Variants in ATP8B1 observed in about 807,000 individuals in gnomAD.
ATP8B1 encodes ATPase phospholipid transporting 8B1.
A neutral mutation model predicts 149.9 loss-of-function variants in ATP8B1; 80 were observed. That is an observed-to-expected ratio of 0.53 (90% CI 0.45 to 0.64). The LOEUF is 0.64. ATP8B1 is among the 30% of genes least tolerant of loss of function. The probability of loss-of-function intolerance (pLI) is 0.00; values close to 1 mark genes in which losing one functional copy is unlikely to be tolerated. For missense variants in ATP8B1, 1,247 were observed against 1,552.6 expected (o/e 0.80, Z 3.31); for synonymous variants, 536 against 562.8 (o/e 0.95, Z 0.67).
At chr18:57,790,459 C>G (rs762642349) in intron 1 of ATP8B1, among the ~76,000 whole-genome samples, 1 of 152,188 alleles carries the variant, frequency 6.6e-6, no homozygotes, top group African/African-American at 2.4e-5. Flanking sequence ...CCTCCCTTAT[C>G]CCATGGTAGC....
chr18:57,785,107 C>T (rs1178059686), intron 1 of ATP8B1, among the ~76,000 whole-genome samples: 2 of 152,156 alleles, frequency 1.3e-5, no homozygotes, highest in African/African-American at 4.8e-5. Context: ...AAAACCAGAC[C>T]TAGTATTAAG....
chr18:57,756,204 TATATATACACAC>T (rs1185699946), intron 1 of ATP8B1, among the ~76,000 whole-genome samples: 2 of 84,402 alleles, frequency 2.4e-5, no homozygotes, highest in African/African-American at 5.0e-5. Context: ...TATATATATA[TATATATACACAC>T]ACACACACAC....
chr18:57,794,987 G>A (rs2080499006), intron 1 of ATP8B1, among the ~76,000 whole-genome samples: 1 of 152,036 alleles, frequency 6.6e-6, no homozygotes, highest in Non-Finnish European at 1.5e-5. Context: ...ATAATACGTG[G>A]CCCTGCCCAT....
intron 21 of ATP8B1, among the ~76,000 whole-genome samples, chr18:57,662,191 A>C (rs1444215598): frequency 6.6e-6 from 1 of 152,206 alleles, no homozygotes; most frequent in Non-Finnish European, 1.5e-5. Context: ...ATGCCACCAC[A>C]TCCAGCTTAT....
chr18:57,772,671 C>T (rs1463116201), intron 1 of ATP8B1, among the ~76,000 whole-genome samples: 1 of 152,154 alleles, frequency 6.6e-6, no homozygotes, highest in Non-Finnish European at 1.5e-5. Context: ...TGCTGGTGAG[C>T]AACGTGGCTC....
intron 2 of ATP8B1, among the ~76,000 whole-genome samples, chr18:57,727,984 G>A (rs529970757): frequency 6.6e-6 from 1 of 152,112 alleles, no homozygotes; most frequent in Non-Finnish European, 1.5e-5. Flanking sequence ...TCGAACCTGT[G>A]GGCTTATCTT....
In ATP8B1 at chr18:57,671,383, A is replaced by AC. The variant is rs1309753751; in HGVS notation, c.1932+84dup. On this transcript the variant is annotated intron_variant, in intron 17 of 27. Coordinates refer to ENST00000648908, the MANE Select transcript of ATP8B1 (RefSeq NM_001374385.1). ...AAAGCAAAGGGAGGGTCAGCAGTTA[A>AC]CATACAGCTTTCATGCAAACTTAAC... The AC allele has an allele frequency of 5.9e-6, 7 of 1,182,948 alleles. No individual in the cohort carries two copies. In the African/African-American group the frequency reaches 1.1e-4, roughly 18 times the overall value. 73.3% of individuals were successfully genotyped at this position (1,182,948 alleles called of 1,614,324 possible).
intron 2 of ATP8B1, among the ~76,000 whole-genome samples, chr18:57,713,331 A>G (rs1350687483): frequency 3.1e-5 from 4 of 128,484 alleles, no homozygotes; most frequent in African/African-American, 1.2e-4. Flanking sequence ...GAGTCTTGCT[A>G]TTTTGCCCAG....
chr18:57,667,468 G>T, intron 19 of ATP8B1: 1 of 358,228 alleles, frequency 2.8e-6, no homozygotes, highest in South Asian at 2.8e-5. Flanking sequence ...CTGAATAATT[G>T]ATTTTACCTA....
At chr18:57,798,153 C>T (rs898081429) in intron 1 of ATP8B1, among the ~76,000 whole-genome samples, 3 of 152,294 alleles carry the variant, frequency 2.0e-5, no homozygotes, top group East Asian at 1.9e-4. Context: ...TCATTAGCAA[C>T]GCCTACCCAG....
At position 57,708,764 on chromosome 18, in the gene ATP8B1, T is replaced by C. The variant is rs138129847; in HGVS notation, c.182-2177A>G. Among the ~76,000 whole-genome samples, 258 of 152,326 alleles carry C rather than the reference T, an allele frequency of 1.7e-3. 8 individuals are homozygous for C. The East Asian group carries it at 0.04, about 24-fold the overall frequency. ...TGCCCTGTTAAGGAGCTGGACATAA[T>C]GATCTTTCCCAGTCCACTTCTGGTC... On this transcript the variant is annotated intron_variant, in intron 2 of 27. Coordinates refer to ENST00000648908, the MANE Select transcript of ATP8B1 (RefSeq NM_001374385.1).
intron 1 of ATP8B1, among the ~76,000 whole-genome samples, chr18:57,758,630 A>G (rs2080109807): frequency 6.9e-6 from 1 of 145,380 alleles, no homozygotes; most frequent in South Asian, 2.3e-4. Flanking sequence ...CCTGGGCAAC[A>G]AGAGCAAAAC....
chr18:57,708,443 A>G (rs1016736465), intron 2 of ATP8B1: 3 of 152,192 alleles, frequency 2.0e-5, no homozygotes, highest in Non-Finnish European at 4.4e-5. Flanking sequence ...AGCTCATTCC[A>G]CTCAAAAAGG....
intron 12 of ATP8B1, 123 bp downstream of exon 12, chr18:57,691,684 C>T (rs1487074395): frequency 1.5e-5 from 19 of 1,258,446 alleles, no homozygotes; most frequent in Admixed American, 1.0e-4. Context: ...CTGAAATGAA[C>T]GTGATTTTCT....
intron 1 of ATP8B1, among the ~76,000 whole-genome samples, chr18:57,797,121 A>T (rs568756116): frequency 6.6e-6 from 1 of 152,348 alleles, no homozygotes; most frequent in South Asian, 2.1e-4. Flanking sequence ...CTGAACAGCA[A>T]GAATATACAT....
intron 1 of ATP8B1, among the ~76,000 whole-genome samples, chr18:57,734,454 G>A (rs746191702): frequency 2.6e-5 from 4 of 152,132 alleles, no homozygotes; most frequent in Non-Finnish European, 5.9e-5. Flanking sequence ...GCTCAACTCA[G>A]TACCTAGCCT....
rs1555651891 is a variant in ATP8B1, at chr18:57,735,975, C to CG, written c.-25-4144_-25-4143insC. Among the ~76,000 whole-genome samples the CG allele has an allele frequency of 3.7e-3, 536 of 146,820 alleles. 4 individuals carry two copies. Among genetic ancestry groups the CG allele is most frequent in the African/African-American group, 0.013 (508 of 39,354 alleles). ...ATACTCTCCCATTCCTTGCCCCCCC[C>CG]ACCCCCACCCCCAACAGGCCCCAGT... On this transcript the variant is annotated intron_variant, in intron 1 of 27. Transcript: ENST00000648908.
At chr18:57,738,214 A>C (rs1296828691) in intron 1 of ATP8B1, among the ~76,000 whole-genome samples, 1 of 152,228 alleles carries the variant, frequency 6.6e-6, no homozygotes, top group African/African-American at 2.4e-5. Context: ...ACAGGTGTGC[A>C]TTTACTCAGC....
chr18:57,686,447 C>T (rs1467631588), intron 13 of ATP8B1, among the ~76,000 whole-genome samples: 1 of 151,950 alleles, frequency 6.6e-6, no homozygotes, highest in East Asian at 2.0e-4. Flanking sequence ...GGTGATCCTA[C>T]CTCAGCCTCT....
Sources: allele counts gnomAD v4.1 joint callset (sites outside exome capture counted in the v4.1 genomes callset), GRCh38; gene constraint gnomAD v4.1.1; transcripts MANE v1.5; gene names NCBI Gene and HGNC (gene_info 2026-07-23, HGNC 2026-07-21).